Variants in PPP1R12B observed in about 807,000 individuals in gnomAD.
The protein encoded by PPP1R12B is protein phosphatase 1 regulatory subunit 12B, also known as myosin phosphatase target subunit 2.
PPP1R12B carries 76 observed loss-of-function variants against 126.1 expected under a neutral mutation model. That is an observed-to-expected ratio of 0.60 (90% confidence interval 0.50 to 0.73). The LOEUF is 0.73. Among genes scored for constraint, PPP1R12B ranks in the 30% least tolerant of loss-of-function variants. The pLI is 0.00. For synonymous variants in PPP1R12B, 356 were observed against 434.7 expected (o/e 0.82, Z 2.25); for missense variants, 1,052 against 1,205.1 (o/e 0.87, Z 1.88).
At chr1:202,383,096 G>A (rs772645879) in intron 1 of PPP1R12B, among the ~76,000 whole-genome samples, 3 of 152,106 alleles carry the variant, frequency 2.0e-5, no homozygotes, top group Non-Finnish European at 4.4e-5. Flanking sequence ...AGTCAATTAA[G>A]TTTGCAATTG....
At chr1:202,472,247 T>C (rs1222797122) in intron 13 of PPP1R12B, 6 of 455,610 alleles carry the variant, frequency 1.3e-5, no homozygotes, top group Non-Finnish European at 2.3e-5. Context: ...TTTTATCATA[T>C]GAACGTTCTT....
At chr1:202,437,385 C>A (rs1296874405) in intron 9 of PPP1R12B, among the ~76,000 whole-genome samples, 1 of 152,044 alleles carries the variant, frequency 6.6e-6, no homozygotes, top group Non-Finnish European at 1.5e-5. Context: ...CCAGTCTCCA[C>A]ATATTATAAG....
At chr1:202,476,204 CAAAA>C (rs34552523) in intron 13 of PPP1R12B, among the ~76,000 whole-genome samples, 2 of 80,162 alleles carry the variant, frequency 2.5e-5, no homozygotes, top group Admixed American at 1.5e-4. Context: ...GACTCTGTCT[CAAAA>C]AAAAAAAAAA....
chr1:202,536,741 T>A (rs1288603542), intron 18 of PPP1R12B, among the ~76,000 whole-genome samples: 3 of 152,184 alleles, frequency 2.0e-5, no homozygotes, highest in African/African-American at 7.2e-5. Context: ...AAAATATTTC[T>A]TTATATTCTT....
At chr1:202,504,189 G>A (rs1680560556) in intron 18 of PPP1R12B, among the ~76,000 whole-genome samples, 3 of 152,144 alleles carry the variant, frequency 2.0e-5, no homozygotes, top group Admixed American at 6.5e-5. Flanking sequence ...GAGGTCAGGA[G>A]TTCGAGACCA....
chr1:202,393,362 G>A (rs1437021930), intron 1 of PPP1R12B, among the ~76,000 whole-genome samples: 2 of 150,162 alleles, frequency 1.3e-5, no homozygotes, highest in African/African-American at 4.9e-5. Flanking sequence ...AGATTTCATT[G>A]TTAATTAGCA....
At chr1:202,371,174 C>T (rs1206559551) in intron 1 of PPP1R12B, among the ~76,000 whole-genome samples, 4 of 149,500 alleles carry the variant, frequency 2.7e-5, no homozygotes. Context: ...CACCACCACA[C>T]CCAGCTATTT....
intron 18 of PPP1R12B, among the ~76,000 whole-genome samples, chr1:202,497,505 A>G (rs2148863013): frequency 6.6e-6 from 1 of 152,366 alleles, no homozygotes; most frequent in South Asian, 2.1e-4. Context: ...GACCTTTTGT[A>G]TCCTACAACT....
intron 1 of PPP1R12B, among the ~76,000 whole-genome samples, chr1:202,376,166 C>T (rs1661148438): frequency 2.6e-5 from 4 of 152,130 alleles, no homozygotes; most frequent in Admixed American, 2.6e-4. Flanking sequence ...AACCTTATAA[C>T]TTCCTTTGCT....
At chr1:202,427,596 A>G (rs1389826935) in intron 5 of PPP1R12B, among the ~76,000 whole-genome samples, 1 of 152,128 alleles carries the variant, frequency 6.6e-6, no homozygotes, top group Non-Finnish European at 1.5e-5. Context: ...TCTCACTTCA[A>G]ACAACTTAGA....
At chr1:202,554,484 A>G (rs1686673727) in intron 18 of PPP1R12B, among the ~76,000 whole-genome samples, 1 of 152,172 alleles carries the variant, frequency 6.6e-6, no homozygotes, top group African/African-American at 2.4e-5. Flanking sequence ...TCTAATTGGT[A>G]GGGTTGACTT....
At chr1:202,405,260 A>G (rs1666440269) in intron 1 of PPP1R12B, among the ~76,000 whole-genome samples, 1 of 152,164 alleles carries the variant, frequency 6.6e-6, no homozygotes, top group African/African-American at 2.4e-5. Flanking sequence ...TTTACCAGCT[A>G]TAGAAGTCAG....
At chr1:202,544,595 T>C (rs1489318946) in intron 18 of PPP1R12B, among the ~76,000 whole-genome samples, 1 of 152,080 alleles carries the variant, frequency 6.6e-6, no homozygotes, top group African/African-American at 2.4e-5. Context: ...ATTAGGCACA[T>C]TTTCATTGAA....
At chr1:202,440,571 C>G (rs1047631574) in intron 10 of PPP1R12B, 135 bp from the exon 11 acceptor site, 1 of 588,460 alleles carries the variant, frequency 1.7e-6, no homozygotes, top group African/African-American at 1.9e-5. Context: ...TTGTAAATAC[C>G]ACTCAAAATA....
At chr1:202,446,502 G>T (rs1425560277) in intron 12 of PPP1R12B, among the ~76,000 whole-genome samples, 2 of 148,152 alleles carry the variant, frequency 1.3e-5, no homozygotes, top group African/African-American at 4.9e-5. Context: ...CTCATGATCC[G>T]CCCACTTCGG....
chr1:202,355,194 C>T (rs1037052458), intron 1 of PPP1R12B, among the ~76,000 whole-genome samples: 7 of 152,166 alleles, frequency 4.6e-5, no homozygotes, highest in Non-Finnish European at 7.3e-5. Context: ...CGTGAGCCAC[C>T]ATGCCTGGCC....
chr1:202,359,677 G>GT (rs1445298391), intron 1 of PPP1R12B, among the ~76,000 whole-genome samples: 1 of 137,646 alleles, frequency 7.3e-6, no homozygotes, highest in African/African-American at 2.6e-5. Context: ...GCTACTGGCG[G>GT]TGGGGGGTGG....
intron 18 of PPP1R12B, among the ~76,000 whole-genome samples, chr1:202,510,183 GGAGTTCTTGACTTA>G (rs1681277426): frequency 6.6e-6 from 1 of 152,142 alleles, no homozygotes; most frequent in Non-Finnish European, 1.5e-5. Context: ...TATCATTTCT[GGAGTTCTTGACTTA>G]GAGCTAAGGG....
chr1:202,349,140 C>T lies in PPP1R12B; in HGVS notation c.289C>T (p.Gln97Ter). 1.2e-6 allele frequency: 2 copies of T among 1,613,784 alleles called. No homozygotes were observed. Among genetic ancestry groups the T allele is most frequent in the South Asian group, 1.1e-5 (1 of 91,044 alleles). Residue 97 changes from glutamine (Q) to a stop codon, truncating the protein, a stop_gained and splice_region_variant, in exon 1 of 24, where the codon CAG (glutamine) becomes TAG (stop). Transcript: ENST00000608999. LOFTEE classifies it high-confidence loss of function. Reference sequence around the variant, plus strand: ...CGTGGACGGCTTGACAGCCCTGCACCAGGTAACTCCTTTCTTGGTCTTAGA... The same window carrying T: ...CGTGGACGGCTTGACAGCCCTGCACTAGGTAACTCCTTTCTTGGTCTTAGA... ...VNVDGLTALH[Q>*]ACIDENLDMV... is the part of the protein sequence containing the mutation.
Sources: gnomAD v4.1 joint callset for allele counts (sites outside exome capture counted in the v4.1 genomes callset) on GRCh38, gnomAD v4.1.1 for gene constraint, MANE v1.5 for transcripts, NCBI Gene and HGNC (gene_info 2026-07-23, HGNC 2026-07-21) for gene names.